The following SMOC1 variants were observed in gnomAD, a reference collection of about 807,000 sequenced individuals.
SMOC1 encodes the protein SPARC-related modular calcium-binding protein 1.
Under a neutral mutation model 56.3 loss-of-function variants are expected in SMOC1, and 22 were observed. The observed-to-expected ratio is 0.39, with a 90% CI of 0.28 to 0.56. The LOEUF (loss-of-function observed/expected upper bound fraction) is 0.56, where lower values mean the gene tolerates loss of function less well. Among genes scored for constraint, SMOC1 ranks in the 20% least tolerant of loss-of-function variants. SMOC1 has a pLI of 0.61. For synonymous variants in SMOC1, 193 were observed against 215.0 expected (o/e 0.90, Z 0.89); for missense variants, 509 against 565.4 (o/e 0.90, Z 1.01).
chr14:69,975,334 C>T (rs1390353877), intron 3 of SMOC1, among the ~76,000 whole-genome samples: 1 of 152,126 alleles, frequency 6.6e-6, no homozygotes. Context: ...CAGAGTGAAA[C>T]TGTGTCTCAA....
chr14:69,945,976 A>G lies in SMOC1; in HGVS notation c.100-6162A>G, dbSNP rs184214645. ...TTGGTTAAGTCAGCATTATACTAAC[A>G]GGTGGAAGTTAAGAGGGTGAGAACA... On this transcript the variant is annotated intron_variant, in intron 1 of 11. Coordinates refer to ENST00000361956, the MANE Select transcript of SMOC1 (RefSeq NM_001034852.3). Among the ~76,000 whole-genome samples the G allele has an allele frequency of 3.2e-4, 49 of 152,362 alleles. No individual in the cohort carries two copies. The Middle Eastern group carries it at 0.014, about 42-fold the overall frequency.
At chr14:70,030,119 G>A (rs1886084646) in intron 11 of SMOC1, 123 bp from the exon 12 acceptor site, 2 of 1,445,640 alleles carry the variant, frequency 1.4e-6, no homozygotes, top group Admixed American at 1.9e-5. Flanking sequence ...GGTGGAAAAG[G>A]CTGCACTTGT....
intron 2 of SMOC1, among the ~76,000 whole-genome samples, chr14:69,952,607 T>G (rs1364225256): frequency 1.3e-5 from 2 of 152,226 alleles, no homozygotes; most frequent in African/African-American, 4.8e-5. Context: ...TGCTGGCTCC[T>G]GAATAGTGAT....
intron 7 of SMOC1, among the ~76,000 whole-genome samples, chr14:70,008,795 C>G (rs1429393623): frequency 1.3e-5 from 2 of 152,216 alleles, no homozygotes; most frequent in African/African-American, 4.8e-5. Context: ...TTTTGCTCCT[C>G]TATTGCCTCT....
intron 1 of SMOC1, among the ~76,000 whole-genome samples, chr14:69,900,004 A>T (rs991793992): frequency 2.0e-5 from 3 of 152,116 alleles, no homozygotes; most frequent in African/African-American, 7.2e-5. Flanking sequence ...TGTTGTTAGG[A>T]TGGACTGGAG....
chr14:70,009,891 G>GA (rs891472413), intron 7 of SMOC1, among the ~76,000 whole-genome samples: 7 of 151,202 alleles, frequency 4.6e-5, no homozygotes, highest in East Asian at 1.9e-4. Flanking sequence ...AACAAAACCA[G>GA]AAAAAAAAAG....
chr14:69,890,820 A>G lies in SMOC1; in HGVS notation c.99+11043A>G, dbSNP rs74060497. ...ATATAAATTAGTATAACTTTGTACA[A>G]TTACAGTTGAAGTTGTACACACTCT... On this transcript the variant is annotated intron_variant, in intron 1 of 11. Coordinates refer to ENST00000361956, the MANE Select transcript of SMOC1 (RefSeq NM_001034852.3). 5.6e-3 allele frequency among the ~76,000 whole-genome samples: 849 copies of G among 152,362 alleles called. 3 individuals are homozygous for G. Among genetic ancestry groups the G allele is most frequent in the African/African-American group, 0.02 (823 of 41,582 alleles).
chr14:70,016,602 C>G (rs1885521753), intron 10 of SMOC1, among the ~76,000 whole-genome samples: 1 of 152,176 alleles, frequency 6.6e-6, no homozygotes, highest in Non-Finnish European at 1.5e-5. Flanking sequence ...CCAGATCTTC[C>G]CACTGTATTC....
chr14:69,991,353 T>C (rs1232460464), intron 5 of SMOC1, among the ~76,000 whole-genome samples: 1 of 152,132 alleles, frequency 6.6e-6, no homozygotes, highest in Admixed American at 6.5e-5. Context: ...AATTATTTCT[T>C]AGGGGATGAA....
intron 1 of SMOC1, among the ~76,000 whole-genome samples, chr14:69,924,681 G>A (rs74554875): frequency 0.016 from 2,245 of 139,730 alleles, 26 homozygotes; most frequent in Non-Finnish European, 0.026. Flanking sequence ...GGAAGGTAAG[G>A]GAGAGGGGAG....
intron 1 of SMOC1, among the ~76,000 whole-genome samples, chr14:69,887,245 C>G (rs1467015320): frequency 6.6e-6 from 1 of 151,512 alleles, no homozygotes; most frequent in Non-Finnish European, 1.5e-5. Flanking sequence ...TTATAAATAA[C>G]TAAAATTAAA....
At chr14:69,965,404 T>TAATAATAATAGTAATAATAATAATAAA (rs761154559) in intron 3 of SMOC1, among the ~76,000 whole-genome samples, 1 of 149,400 alleles carries the variant, frequency 6.7e-6, no homozygotes, top group East Asian at 2.0e-4. Flanking sequence ...ATAATAATAA[T>TAATAATAATAGTAATAATAATAATAAA]AAAAAGATGA....
At chr14:69,982,868 G>A (rs1369095758) in intron 5 of SMOC1, among the ~76,000 whole-genome samples, 1 of 152,208 alleles carries the variant, frequency 6.6e-6, no homozygotes, top group East Asian at 1.9e-4. Context: ...CTTGGAGAAG[G>A]ATTCTCTCTG....
chr14:69,933,660 GGT>G (rs1210456650), intron 1 of SMOC1, among the ~76,000 whole-genome samples: 1 of 152,136 alleles, frequency 6.6e-6, no homozygotes, highest in Non-Finnish European at 1.5e-5. Context: ...TGGGACTACA[GGT>G]GCACACCACC....
chr14:69,980,576 G>A (rs1219992051), intron 5 of SMOC1, among the ~76,000 whole-genome samples: 1 of 152,208 alleles, frequency 6.6e-6, no homozygotes, highest in African/African-American at 2.4e-5. Flanking sequence ...CAGGAAGCTG[G>A]GGTTTGAATG....
At chr14:69,982,390 A>G (rs991691130) in intron 5 of SMOC1, among the ~76,000 whole-genome samples, 3 of 152,176 alleles carry the variant, frequency 2.0e-5, no homozygotes, top group African/African-American at 7.2e-5. Flanking sequence ...TATTTCTCCA[A>G]GGTCCCTGTC....
At chr14:70,025,499 A>G (rs776142683) in intron 11 of SMOC1, among the ~76,000 whole-genome samples, 20 of 152,088 alleles carry the variant, frequency 1.3e-4, no homozygotes, top group Non-Finnish European at 2.2e-4. Context: ...CTCTGTTCCC[A>G]TAGTACTCTG....
intron 7 of SMOC1, 101 bp from the exon 8 acceptor site, chr14:70,010,653 C>T (rs188907337): frequency 3.1e-6 from 4 of 1,280,144 alleles, no homozygotes; most frequent in Non-Finnish European, 4.5e-6. Context: ...TTCCTGGGTC[C>T]AGGCCTGGTC....
At position 70,013,386 on chromosome 14, in the gene SMOC1, G is replaced by C; in HGVS notation, c.941G>C (p.Gly314Ala). 6.2e-7 allele frequency: 1 copy of C among 1,613,420 alleles called. No individual in the cohort carries two copies. The highest frequency in any genetic ancestry group is 8.5e-7 in the Non-Finnish European group (1 of 1,179,374). ...CTTCAAATCTCATTTTATCTTTTAGGCTGTCCAGAAGGGAAGAAAATGGAG... is the reference window on the plus strand; with the variant it reads ...CTTCAAATCTCATTTTATCTTTTAGCCTGTCCAGAAGGGAAGAAAATGGAG... ...DDPFKDRELP[G>A]CPEGKKMEFI... Residue 314 changes from glycine to alanine, a missense_variant and splice_region_variant, in exon 10 of 12, where the codon GGC becomes GCC. Coordinates refer to ENST00000361956, the MANE Select transcript of SMOC1 (RefSeq NM_001034852.3).
Sources: allele counts gnomAD v4.1 joint callset (sites outside exome capture counted in the v4.1 genomes callset), GRCh38; gene constraint gnomAD v4.1.1; transcripts MANE v1.5; gene names NCBI Gene and HGNC (gene_info 2026-07-23, HGNC 2026-07-21).